Variants in TRHDE observed in about 807,000 individuals in gnomAD.
The protein encoded by TRHDE is thyrotropin releasing hormone degrading enzyme, also known as thyrotropin-releasing hormone-degrading ectoenzyme.
TRHDE carries 72 observed loss-of-function variants against 125.7 expected under a neutral mutation model. That is an observed-to-expected ratio of 0.57 (90% CI 0.47 to 0.70). TRHDE has a LOEUF of 0.70. TRHDE is among the 30% of genes least tolerant of loss of function. The pLI, the probability that TRHDE is intolerant of heterozygous loss-of-function variation, is 0.00. For missense variants in TRHDE, 1,110 were observed against 1,327.1 expected, an observed-to-expected ratio of 0.84 and a Z score of 2.54; for synonymous variants, 509 against 509.1, an observed-to-expected ratio of 1.00 and a Z score of 0.00.
At chr12:72,617,284 A>G (rs1026189622) in intron 12 of TRHDE, among the ~76,000 whole-genome samples, 1 of 152,128 alleles carries the variant, frequency 6.6e-6, no homozygotes, top group African/African-American at 2.4e-5. Flanking sequence ...CAAAATCGTT[A>G]GAGTGTCACA....
chr12:72,394,061 G>A (rs1013610692), intron 3 of TRHDE, among the ~76,000 whole-genome samples: 1 of 152,136 alleles, frequency 6.6e-6, no homozygotes, highest in African/African-American at 2.4e-5. Flanking sequence ...AGGTTGACAA[G>A]TTTAAGAAAT....
chr12:72,469,391 A>G (rs1876536052), intron 3 of TRHDE, among the ~76,000 whole-genome samples: 1 of 152,204 alleles, frequency 6.6e-6, no homozygotes, highest in South Asian at 2.1e-4. Flanking sequence ...TATTTACTGC[A>G]TTGAGTCAAA....
At chr12:72,526,919 G>T (rs2135969472) in intron 6 of TRHDE, among the ~76,000 whole-genome samples, 1 of 152,252 alleles carries the variant, frequency 6.6e-6, no homozygotes, top group South Asian at 2.1e-4. Context: ...TTGGGAATCA[G>T]AAAAGAGGAG....
At chr12:72,326,584 G>T (rs1386705763) in intron 2 of TRHDE, among the ~76,000 whole-genome samples, 1 of 151,850 alleles carries the variant, frequency 6.6e-6, no homozygotes, top group African/African-American at 2.4e-5. Flanking sequence ...AATAGTGTTT[G>T]GATTAAATAA....
chr12:72,561,343 A>G (rs1808973800), intron 7 of TRHDE, among the ~76,000 whole-genome samples: 1 of 152,204 alleles, frequency 6.6e-6, no homozygotes, highest in South Asian at 2.1e-4. Context: ...TGTTGCAGAG[A>G]TAATGGAATT....
At chr12:72,627,535 C>T (rs890475740) in intron 15 of TRHDE, among the ~76,000 whole-genome samples, 1 of 151,742 alleles carries the variant, frequency 6.6e-6, no homozygotes, top group Admixed American at 6.6e-5. Context: ...CTATTGACAC[C>T]TCATTTTCAA....
chr12:72,533,113 G>T (rs193145982), intron 6 of TRHDE, among the ~76,000 whole-genome samples: 3 of 151,842 alleles, frequency 2.0e-5, no homozygotes, highest in Non-Finnish European at 4.4e-5. Flanking sequence ...TTTGTTTTTG[G>T]TGTATTTCTT....
At chr12:72,168,344 A>G (rs1035311834) in intron 2 of TRHDE, among the ~76,000 whole-genome samples, 14 of 152,168 alleles carry the variant, frequency 9.2e-5, no homozygotes, top group African/African-American at 3.1e-4. Context: ...TTTGTATGTG[A>G]TAGATTTATT....
intron 2 of TRHDE, among the ~76,000 whole-genome samples, chr12:72,143,379 T>G (rs1387632325): frequency 1.3e-5 from 2 of 150,966 alleles, no homozygotes; most frequent in East Asian, 3.9e-4. Flanking sequence ...ATGAGAGGAG[T>G]AGGAGGAAGG....
chr12:72,384,292 A>G (rs371401929), intron 3 of TRHDE, among the ~76,000 whole-genome samples: 12 of 152,264 alleles, frequency 7.9e-5, no homozygotes, highest in African/African-American at 2.9e-4. Flanking sequence ...TTCATTACCT[A>G]TCTGGAACAG....
chr12:72,188,971 C>T (rs1877284812), intron 2 of TRHDE, among the ~76,000 whole-genome samples: 2 of 152,144 alleles, frequency 1.3e-5, no homozygotes, highest in Admixed American at 1.3e-4. Context: ...GCCATTTAAG[C>T]AACTTATTTT....
chr12:72,591,337 T>C (rs1407670135), intron 12 of TRHDE, among the ~76,000 whole-genome samples: 1 of 152,190 alleles, frequency 6.6e-6, no homozygotes, highest in Non-Finnish European at 1.5e-5. Context: ...CTACATACTA[T>C]AATAAGCATC....
intron 2 of TRHDE, among the ~76,000 whole-genome samples, chr12:72,295,245 C>G (rs921845632): frequency 9.9e-5 from 15 of 152,002 alleles, no homozygotes; most frequent in African/African-American, 3.4e-4. Context: ...TGCAGCAGCA[C>G]TGGGGAGCCC....
intron 2 of TRHDE, among the ~76,000 whole-genome samples, chr12:72,373,960 T>G (rs2135769177): frequency 6.6e-6 from 1 of 152,234 alleles, no homozygotes; most frequent in East Asian, 1.9e-4. Context: ...GTGCGTGATT[T>G]GAAGCTCATT....
intron 1 of TRHDE, among the ~76,000 whole-genome samples, chr12:72,093,952 C>G (rs1392878696): frequency 6.6e-6 from 1 of 152,068 alleles, no homozygotes; most frequent in Non-Finnish European, 1.5e-5. Context: ...ATGTCTTTTC[C>G]AGTTTTACAG....
chr12:72,120,674 CTTT>C (rs36076979), intron 2 of TRHDE, among the ~76,000 whole-genome samples: 19 of 118,748 alleles, frequency 1.6e-4, no homozygotes, highest in African/African-American at 5.3e-4. Flanking sequence ...TACTCTTTAA[CTTT>C]TTTTTTTTTT....
intron 3 of TRHDE, among the ~76,000 whole-genome samples, chr12:72,396,751 C>A (rs1565726522): frequency 6.6e-6 from 1 of 152,040 alleles, no homozygotes; most frequent in Non-Finnish European, 1.5e-5. Flanking sequence ...TCAAAACAAA[C>A]AAACAAACAA....
intron 15 of TRHDE, among the ~76,000 whole-genome samples, chr12:72,647,294 C>T (rs1874321639): frequency 6.6e-6 from 1 of 151,916 alleles, no homozygotes; most frequent in Non-Finnish European, 1.5e-5. Context: ...AATGAATGCA[C>T]ATCATACTGA....
chr12:72,627,939 T>C (rs1873330212), intron 15 of TRHDE, among the ~76,000 whole-genome samples: 1 of 151,846 alleles, frequency 6.6e-6, no homozygotes, highest in Non-Finnish European at 1.5e-5. Context: ...TGCCTTAGTC[T>C]GTCAAAGTGC....
Sources: gnomAD v4.1 joint callset for allele counts (sites outside exome capture counted in the v4.1 genomes callset) on GRCh38, gnomAD v4.1.1 for gene constraint, MANE v1.5 for transcripts, NCBI Gene and HGNC (gene_info 2026-07-23, HGNC 2026-07-21) for gene names.